Variants in LRRC20 observed in about 807,000 individuals in gnomAD.
LRRC20 encodes the protein leucine rich repeat containing 20, also known as leucine-rich repeat-containing protein 20.
A neutral mutation model predicts 14.4 loss-of-function variants in LRRC20; 11 were observed. The ratio of observed to expected loss-of-function variants is 0.77; its 90% CI spans 0.48 to 1.27. The LOEUF (loss-of-function observed/expected upper bound fraction) is 1.27. Ranked by LOEUF, LRRC20 falls within the 50% of genes most tolerant of loss-of-function variation. The pLI, the probability that LRRC20 is intolerant of heterozygous loss-of-function variation, is 0.00. For missense variants in LRRC20, 219 were observed against 251.2 expected, an observed-to-expected ratio of 0.87 and a Z score of 0.87; for synonymous variants, 121 against 107.3, an observed-to-expected ratio of 1.13 and a Z score of -0.79.
At chr10:70,307,325 A>G (rs975199704) in intron 4 of LRRC20, among the ~76,000 whole-genome samples, 1 of 152,238 alleles carries the variant, frequency 6.6e-6, no homozygotes, top group African/African-American at 2.4e-5. Context: ...TTAGGAGCCA[A>G]TGTGGGAAAG....
intron 3 of LRRC20, among the ~76,000 whole-genome samples, chr10:70,327,455 A>T (rs1228085281): frequency 6.6e-6 from 1 of 152,060 alleles, no homozygotes; most frequent in Non-Finnish European, 1.5e-5. Flanking sequence ...CGTGCCTGTA[A>T]TCCCAGCTTC....
At chr10:70,304,536 T>G (rs10999255) in intron 4 of LRRC20, among the ~76,000 whole-genome samples, 3 of 142,182 alleles carry the variant, frequency 2.1e-5, no homozygotes, top group African/African-American at 7.5e-5. Context: ...CAATCTTTTT[T>G]AAATATTATT....
At chr10:70,305,300 C>T (rs1245433405) in intron 4 of LRRC20, among the ~76,000 whole-genome samples, 2 of 152,298 alleles carry the variant, frequency 1.3e-5, no homozygotes, top group East Asian at 3.9e-4. Context: ...CTATGATGAA[C>T]AATGCTGCTA....
chr10:70,364,445 G>A (rs76299961), intron 2 of LRRC20, among the ~76,000 whole-genome samples: 5,752 of 152,322 alleles, frequency 0.038, 166 homozygotes, highest in East Asian at 0.055. Context: ...AGGAGCCAGT[G>A]GCAATTTCTG....
chr10:70,381,785 C>T (rs1414934119), intron 1 of LRRC20: 3 of 152,272 alleles, frequency 2.0e-5, no homozygotes, highest in African/African-American at 7.2e-5. Flanking sequence ...ACCCACTTCC[C>T]CACCCCAGGG....
chr10:70,328,633 C>A (rs1842416609), intron 3 of LRRC20, among the ~76,000 whole-genome samples: 2 of 152,184 alleles, frequency 1.3e-5, no homozygotes, highest in Admixed American at 6.5e-5. Context: ...ATACACTCAA[C>A]AAGACCAGGC....
chr10:70,370,973 T>C (rs1234145146), intron 2 of LRRC20, among the ~76,000 whole-genome samples: 6 of 152,084 alleles, frequency 3.9e-5, no homozygotes, highest in South Asian at 2.1e-4. Context: ...GGAACTATGA[T>C]TGCGCCACTG....
intron 2 of LRRC20, among the ~76,000 whole-genome samples, chr10:70,341,019 ATC>A (rs1842896452): frequency 2.0e-5 from 3 of 152,224 alleles, no homozygotes; most frequent in Admixed American, 6.5e-5. Flanking sequence ...TGCCTTTGAG[ATC>A]CTGCAGAATC....
intron 3 of LRRC20, among the ~76,000 whole-genome samples, chr10:70,335,848 C>G (rs1842712150): frequency 6.6e-6 from 1 of 152,346 alleles, no homozygotes; most frequent in African/African-American, 2.4e-5. Flanking sequence ...CTGGTAAACT[C>G]CTACTTATCT....
chr10:70,322,113 C>T (rs373218278), intron 4 of LRRC20, among the ~76,000 whole-genome samples: 61 of 44,344 alleles, frequency 1.4e-3, no homozygotes, highest in African/African-American at 4.0e-3. Context: ...CCAGTCGACC[C>T]GCTCCCTTAT....
Position 70,372,543 on chromosome 10 carries a change from A to C in LRRC20, c.82+3909T>G, listed in dbSNP as rs952916853. Among the ~76,000 whole-genome samples the C allele has an allele frequency of 6.7e-5, 10 of 149,286 alleles. 1 individual carries two copies. The highest frequency in any genetic ancestry group is 1.5e-4 in the Non-Finnish European group (10 of 67,634). On this transcript the variant is annotated intron_variant, in intron 2 of 4. Coordinates refer to ENST00000446961, the MANE Select transcript of LRRC20 (RefSeq NM_001278212.2). ...TGCAGGCTCCACCTCCCAGGTTCAC[A>C]CCATTCTCCTGCCTCAGCCTCCCGA...
intron 2 of LRRC20, among the ~76,000 whole-genome samples, chr10:70,345,108 TA>T (rs1455808067): frequency 6.6e-6 from 1 of 152,174 alleles, no homozygotes; most frequent in African/African-American, 2.4e-5. Context: ...TAACCAATAT[TA>T]TAAGCCTAAA....
chr10:70,301,847 T>C (rs1230994640), intron 4 of LRRC20, among the ~76,000 whole-genome samples: 4 of 152,202 alleles, frequency 2.6e-5, no homozygotes, highest in Non-Finnish European at 4.4e-5. Flanking sequence ...CAAATGTTCA[T>C]AGCAGCACTA....
intron 2 of LRRC20, among the ~76,000 whole-genome samples, chr10:70,368,250 C>T (rs1164299247): frequency 1.3e-5 from 2 of 151,118 alleles, no homozygotes; most frequent in Admixed American, 1.3e-4. Context: ...ATGCGCCTCC[C>T]GGGTTCAAAT....
intron 4 of LRRC20, among the ~76,000 whole-genome samples, chr10:70,308,998 C>T (rs779012367): frequency 2.1e-4 from 32 of 152,284 alleles, no homozygotes; most frequent in Admixed American, 5.2e-4. Context: ...GCAGGGCCCC[C>T]ATTTTCCCTA....
chr10:70,348,225 T>G (rs578161498), intron 2 of LRRC20, among the ~76,000 whole-genome samples: 2 of 152,196 alleles, frequency 1.3e-5, no homozygotes, highest in East Asian at 3.9e-4. Flanking sequence ...CCTGCTGGGA[T>G]GTGATGCAAA....
At chr10:70,359,742 G>A (rs1394241158) in intron 2 of LRRC20, among the ~76,000 whole-genome samples, 1 of 152,046 alleles carries the variant, frequency 6.6e-6, no homozygotes, top group African/African-American at 2.4e-5. Flanking sequence ...CATTTTTGCT[G>A]GTACTGTTCC....
chr10:70,317,365 T>C (rs1446397490), intron 4 of LRRC20, among the ~76,000 whole-genome samples: 1 of 152,086 alleles, frequency 6.6e-6, no homozygotes, highest in Non-Finnish European at 1.5e-5. Context: ...TCTCTTTTTT[T>C]TTTTAAATTG....
intron 3 of LRRC20, among the ~76,000 whole-genome samples, chr10:70,334,488 GAACTCCAGAAAATAGT>G (rs1324826841): frequency 1.3e-5 from 2 of 152,072 alleles, no homozygotes; most frequent in Non-Finnish European, 2.9e-5. Context: ...TCCCTTCCCA[GAACTCCAGAAAATAGT>G]AACTCCTGTG....
Sources: allele counts gnomAD v4.1 joint callset (sites outside exome capture counted in the v4.1 genomes callset), GRCh38; gene constraint gnomAD v4.1.1; transcripts MANE v1.5; gene names NCBI Gene and HGNC (gene_info 2026-07-23, HGNC 2026-07-21).